Variants in TOX2 observed in about 807,000 individuals in gnomAD.
TOX2 encodes the protein TOX high mobility group box family member 2, also known as granulosa cell HMG box 1.
In TOX2, 15 loss-of-function variants were observed where a neutral mutation model predicts 47.4. The observed-to-expected ratio is 0.32, with a 90% CI of 0.21 to 0.49. The LOEUF (loss-of-function observed/expected upper bound fraction) is 0.49, where lower values mean the gene tolerates loss of function less well. Among genes scored for constraint, TOX2 ranks in the 20% least tolerant of loss-of-function variants. The pLI, the probability that TOX2 is intolerant of heterozygous loss-of-function variation, is 0.99. For missense variants in TOX2, 622 were observed against 673.1 expected (o/e 0.92, Z 0.84); for synonymous variants, 290 against 296.6 (o/e 0.98, Z 0.23).
At chr20:44,067,349 C>A (rs906658723) in intron 8 of TOX2, among the ~76,000 whole-genome samples, 1 of 152,118 alleles carries the variant, frequency 6.6e-6, no homozygotes, top group South Asian at 2.1e-4. Context: ...GGAGCATGAA[C>A]GGTGCTAGAG....
rs147326202 is a variant in TOX2 at position 44,000,940 on chromosome 20, A to G, written c.166-5607A>G. Among the ~76,000 whole-genome samples the G allele has an allele frequency of 4.2e-4, 64 of 152,184 alleles. 1 individual carries two copies. In the East Asian group the frequency reaches 8.3e-3, roughly 20 times the overall value. ...GCCAGATGAAGACTGAGCATTGGCC[A>G]CTGGATTTAGGAAGATGGAGGTCAT... On this transcript the variant is annotated intron_variant, in intron 2 of 8. Coordinates refer to ENST00000341197, the MANE Select transcript of TOX2 (RefSeq NM_001098797.2).
At chr20:43,958,728 G>C (rs145847398) in intron 1 of TOX2, among the ~76,000 whole-genome samples, 1 of 152,334 alleles carries the variant, frequency 6.6e-6, no homozygotes, top group East Asian at 1.9e-4. Flanking sequence ...GCTAAATCTG[G>C]CTTCTTCTGG....
chr20:43,981,714 A>C (rs764703607), intron 2 of TOX2, among the ~76,000 whole-genome samples: 2 of 152,228 alleles, frequency 1.3e-5, no homozygotes, highest in Admixed American at 6.5e-5. Context: ...ATGAAAGTTG[A>C]AATGTGTCCA....
At chr20:43,926,021 G>A (rs1329177283) in intron 1 of TOX2, among the ~76,000 whole-genome samples, 1 of 152,174 alleles carries the variant, frequency 6.6e-6, no homozygotes, top group African/African-American at 2.4e-5. Context: ...TTACATTACA[G>A]CTAATTAAAA....
chr20:43,924,872 T>C (rs2069147979), intron 1 of TOX2, among the ~76,000 whole-genome samples: 1 of 152,240 alleles, frequency 6.6e-6, no homozygotes, highest in South Asian at 2.1e-4. Flanking sequence ...TCCCTCTCCC[T>C]TCTCCACACA....
At chr20:44,054,190 G>T in intron 4 of TOX2, 109 bp from the exon 5 acceptor site, 1 of 1,174,812 alleles carries the variant, frequency 8.5e-7, no homozygotes, top group Admixed American at 2.0e-5. Context: ...GTGGTTATCT[G>T]TGCATGAGCA....
At chr20:43,985,556 G>C (rs1279460000) in intron 2 of TOX2, among the ~76,000 whole-genome samples, 1 of 152,190 alleles carries the variant, frequency 6.6e-6, no homozygotes, top group East Asian at 1.9e-4. Flanking sequence ...TGATGCAGAA[G>C]TAAATTAAGT....
chr20:44,057,324 G>A (rs958163664), intron 5 of TOX2, among the ~76,000 whole-genome samples: 3 of 152,118 alleles, frequency 2.0e-5, no homozygotes, highest in Non-Finnish European at 2.9e-5. Flanking sequence ...CAGCAATGGC[G>A]GGGATAGTGG....
rs755688390 is a variant in TOX2, at chr20:44,066,800, G to T, written c.1427G>T (p.Ser476Ile). 3 of 1,614,198 alleles carry T rather than the reference G, an allele frequency of 1.9e-6. No homozygotes were observed. The Admixed American group carries it at 5.0e-5, about 27-fold the overall frequency. Residue 476 changes from serine to isoleucine, a missense_variant, in exon 8 of 9, where the codon AGC (serine) becomes ATC (isoleucine). Coordinates refer to ENST00000341197, the MANE Select transcript of TOX2 (RefSeq NM_001098797.2). ...TCACCTGGCCCATCCAACCCCACCA[G>T]CAGCGGGGACTGGGACAGCAGCTAC... is the stretch of plus-strand genomic sequence containing the variant. ...SCSPGPSNPTSSGDWDSSYPS... is the reference protein window; with the variant it reads ...SCSPGPSNPTISGDWDSSYPS...
chr20:43,952,848 TA>T (rs1346507522), intron 1 of TOX2, among the ~76,000 whole-genome samples: 2 of 152,126 alleles, frequency 1.3e-5, no homozygotes, highest in Non-Finnish European at 2.9e-5. Flanking sequence ...CCCCTAAGTA[TA>T]GCTAGGTCCT....
intron 3 of TOX2, among the ~76,000 whole-genome samples, chr20:44,022,614 T>C (rs749513412): frequency 6.6e-6 from 1 of 152,238 alleles, no homozygotes; most frequent in Non-Finnish European, 1.5e-5. Context: ...TGCAGTTCCA[T>C]GCCTTATTGT....
intron 2 of TOX2, among the ~76,000 whole-genome samples, chr20:43,990,786 C>T (rs894651901): frequency 2.0e-5 from 3 of 152,072 alleles, no homozygotes; most frequent in South Asian, 2.1e-4. Context: ...CCTGGGATCT[C>T]GGGGCACTCA....
chr20:43,946,766 G>A (rs2069479801), intron 1 of TOX2, among the ~76,000 whole-genome samples: 1 of 152,102 alleles, frequency 6.6e-6, no homozygotes, highest in Non-Finnish European at 1.5e-5. Flanking sequence ...TAACGTGAAG[G>A]GGCCATCCCA....
At position 44,051,456 on chromosome 20, in the gene TOX2, C is replaced by T. The variant is rs1277935541; in HGVS notation, c.562C>T (p.His188Tyr). 1 of 1,613,806 alleles carries T rather than the reference C, an allele frequency of 6.2e-7. No individual in the cohort carries two copies. Among genetic ancestry groups the T allele is most frequent in the Admixed American group, 1.7e-5 (1 of 59,990 alleles). ...SQMGIRSSIA[H>Y]SSPSPPGSKS... ...GATGGGCATCCGGAGCAGCATCGCC[C>T]ACAGCTCCCCATCACCGCCGGGGAG... The change falls in exon 4 of 9, where the codon CAC becomes TAC. Residue 188 changes from histidine to tyrosine, a missense_variant. This residue lies in a region of TOX2 where 307 missense variants were observed against 327.3 expected (regional missense o/e 0.94). Coordinates refer to ENST00000341197, the MANE Select transcript of TOX2 (RefSeq NM_001098797.2).
chr20:44,002,465 CAT>C (rs1005063538), intron 2 of TOX2, among the ~76,000 whole-genome samples: 10 of 152,288 alleles, frequency 6.6e-5, no homozygotes, highest in Admixed American at 2.0e-4. Context: ...GAGAAACTTA[CAT>C]GTTATTGATT....
In TOX2 at chr20:43,934,436, C is replaced by T. The variant is rs147556442; in HGVS notation, c.99+19446C>T. Among the ~76,000 whole-genome samples, 1,070 of 152,322 alleles carry T rather than the reference C, an allele frequency of 7.0e-3. 18 individuals carry two copies. Among genetic ancestry groups the T allele is most frequent in the East Asian group, 0.058 (303 of 5,182 alleles). On this transcript the variant is annotated intron_variant, in intron 1 of 8. Coordinates refer to ENST00000341197, the MANE Select transcript of TOX2 (RefSeq NM_001098797.2). The stretch of plus-strand genomic sequence containing the variant: ...AGCTGAGGCTTGAGAGGTGAGGGCA[C>T]TGGGCCGGGGTCACAGTGGGATTGG...
intron 3 of TOX2, among the ~76,000 whole-genome samples, chr20:44,040,252 T>C (rs2071310466): frequency 6.6e-6 from 1 of 152,180 alleles, no homozygotes. Context: ...TAGGTGTCTA[T>C]GGAGGAGCCA....
chr20:43,937,807 A>G (rs1352105815), intron 1 of TOX2, among the ~76,000 whole-genome samples: 1 of 152,144 alleles, frequency 6.6e-6, no homozygotes, highest in Non-Finnish European at 1.5e-5. Flanking sequence ...GGAGCCTTCA[A>G]CAGCTTCTCT....
In TOX2 at chr20:43,915,070, C is replaced by A; in HGVS notation, c.99+80C>A. ...CTCGGGACTCAGGCGCTCCCGGGGT[C>A]ACACGGGGCCGCGCACATCAGCCCC... is the stretch of plus-strand genomic sequence containing the variant. On this transcript the variant is annotated intron_variant, in intron 1 of 8. Transcript: ENST00000341197. This position sits in a 1 kb window ranked among gnomAD's most constrained non-coding sequence, Gnocchi z 7.1. 4 of 851,088 alleles carry A rather than the reference C, an allele frequency of 4.7e-6. No homozygotes were observed. The highest frequency in any genetic ancestry group is 8.9e-5 in the South Asian group (2 of 22,448). 52.7% of individuals were successfully genotyped at this position (851,088 alleles called of 1,614,324 possible).
Sources: allele counts gnomAD v4.1 joint callset (sites outside exome capture counted in the v4.1 genomes callset), GRCh38; gene constraint gnomAD v4.1.1; regional missense constraint gnomAD v4.1.1; non-coding constraint Gnocchi (gnomAD v3.1); transcripts MANE v1.5; gene names NCBI Gene and HGNC (gene_info 2026-07-23, HGNC 2026-07-21).